CAMK1G: variants seen among roughly 807,000 people sequenced by gnomAD.
CAMK1G encodes the protein calcium/calmodulin-dependent protein kinase type 1G.
CAMK1G carries 27 observed loss-of-function variants against 54.8 expected under a neutral mutation model. That is an observed-to-expected ratio of 0.49 (90% CI 0.36 to 0.68). CAMK1G has a LOEUF of 0.68. Ranked by LOEUF, CAMK1G falls within the 30% of genes least tolerant of loss-of-function variation. CAMK1G has a pLI of 0.00. For missense variants in CAMK1G, 512 were observed against 591.0 expected (o/e 0.87, Z 1.39); for synonymous variants, 238 against 224.9 (o/e 1.06, Z -0.52).
intron 1 of CAMK1G, among the ~76,000 whole-genome samples, chr1:209,588,548 T>C (rs749231421): frequency 7.9e-5 from 12 of 152,184 alleles, no homozygotes; most frequent in Non-Finnish European, 1.8e-4. Context: ...CCTAAATGGC[T>C]GCAACTCAAA....
At chr1:209,601,138 C>T (rs1665516471) in intron 3 of CAMK1G, among the ~76,000 whole-genome samples, 1 of 152,168 alleles carries the variant, frequency 6.6e-6, no homozygotes, top group South Asian at 2.1e-4. Flanking sequence ...AGCTATCCCT[C>T]TCAGGCACAG....
intron 3 of CAMK1G, among the ~76,000 whole-genome samples, 170 bp from the exon 4 acceptor site, chr1:209,603,044 C>T (rs1665567473): frequency 6.6e-6 from 1 of 152,216 alleles, no homozygotes; most frequent in Non-Finnish European, 1.5e-5. Context: ...GGAATCTTTT[C>T]TCTGGGATTA....
At chr1:209,610,187 GC>G (rs1665748672) in intron 9 of CAMK1G, among the ~76,000 whole-genome samples, 1 of 152,154 alleles carries the variant, frequency 6.6e-6, no homozygotes, top group African/African-American at 2.4e-5. Flanking sequence ...CTGTCATTCA[GC>G]ACTGGGATAG....
In CAMK1G at chr1:209,587,436, C is replaced by T. The variant is rs187252995; in HGVS notation, c.-30+3664C>T. ...CAGAAGGAAAGAATTTCACTATCTA[C>T]GAAATTTGGGAAATGCCAGATTAAA... On this transcript the variant is annotated intron_variant, in intron 1 of 12. Transcript: ENST00000361322. Among the ~76,000 whole-genome samples, 528 of 152,204 alleles carry T rather than the reference C, an allele frequency of 3.5e-3. 4 individuals are homozygous for T. Among genetic ancestry groups the T allele is most frequent in the Middle Eastern group, 6.8e-3 (2 of 294 alleles).
intron 1 of CAMK1G, 168 bp downstream of exon 1, chr1:209,583,940 A>T (rs1315606360): frequency 6.6e-6 from 1 of 152,210 alleles, no homozygotes; most frequent in East Asian, 1.9e-4. Context: ...AGGGTGAGTT[A>T]TAGCTGTCTT....
chr1:209,594,575 A>G (rs1665333945), intron 1 of CAMK1G, among the ~76,000 whole-genome samples: 2 of 152,234 alleles, frequency 1.3e-5, no homozygotes, highest in South Asian at 4.1e-4. Flanking sequence ...GTGACATTAG[A>G]GAGGAAGCCT....
intron 1 of CAMK1G, among the ~76,000 whole-genome samples, chr1:209,587,604 A>G (rs963704666): frequency 5.9e-5 from 9 of 152,066 alleles, no homozygotes; most frequent in African/African-American, 2.2e-4. Flanking sequence ...AGCAAACTTC[A>G]GGGAACTTTA....
intron 1 of CAMK1G, among the ~76,000 whole-genome samples, chr1:209,592,344 C>CAAAAAAAAA (rs56012133): frequency 1.4e-5 from 1 of 70,214 alleles, no homozygotes; most frequent in African/African-American, 4.7e-5. Flanking sequence ...GACTCTGTCT[C>CAAAAAAAAA]AAAAAAAAAA....
In CAMK1G at chr1:209,613,091, G is replaced by A. The variant is rs1665824171; in HGVS notation, c.*89G>A. 1 of 502,938 alleles carries A rather than the reference G, an allele frequency of 2.0e-6. No individual in the cohort carries two copies. The highest frequency in any genetic ancestry group is 3.6e-6 in the Non-Finnish European group (1 of 274,520). The allele number at this position is 502,938 out of a possible 1,614,324, so 31.2% of individuals were successfully genotyped here. A position where few individuals can be genotyped will look rare whatever the true frequency, so the allele number is the denominator to read the frequency against. The stretch of plus-strand genomic sequence containing the variant: ...CCAAACCTGGTGTCTATCCGGCAGA[G>A]GGAGGAAGGCAGAGCAAGTGGAGCA... On this transcript the variant is annotated 3_prime_UTR_variant, in exon 13 of 13. Coordinates refer to ENST00000361322, the MANE Select transcript of CAMK1G (RefSeq NM_020439.3).
rs764833638 is a variant in CAMK1G, at chr1:209,600,074, G to C, written c.184G>C (p.Asp62His). Residue 62 changes from aspartate to histidine, a missense_variant, in exon 3 of 13, where the codon GAC (aspartate) becomes CAC (histidine). Physicochemically the swap from Asp to His is moderately conservative, Grantham distance 81. Around this residue, in one of 3 missense-constraint regions of CAMK1G, gnomAD observed 186 missense variants for 231.5 expected, o/e 0.80. Transcript: ENST00000361322. Reference sequence around the variant, plus strand: ...CATCAAGAAGTCACCTGCCTTCCGGGACAGCAGCCTGGAGAATGAGATTGC... The same window carrying C: ...CATCAAGAAGTCACCTGCCTTCCGGCACAGCAGCCTGGAGAATGAGATTGC... The part of the protein sequence containing the change: ...KCIKKSPAFR[D>H]SSLENEIAVL... 1 of 1,613,978 alleles carries C rather than the reference G, an allele frequency of 6.2e-7. No individual in the cohort carries two copies. Among genetic ancestry groups the C allele is most frequent in the Non-Finnish European group, 8.5e-7 (1 of 1,179,884 alleles).
At chr1:209,609,769 G>C (rs1245351401) in intron 8 of CAMK1G, 82 bp from the exon 9 acceptor site, 4 of 1,372,874 alleles carry the variant, frequency 2.9e-6, no homozygotes, top group Non-Finnish European at 4.2e-6. Flanking sequence ...TGCATTCACT[G>C]CCACCCACCA....
intron 1 of CAMK1G, among the ~76,000 whole-genome samples, chr1:209,591,302 A>G (rs1176536951): frequency 1.3e-5 from 2 of 152,152 alleles, no homozygotes; most frequent in African/African-American, 4.8e-5. Flanking sequence ...ACCCAAACAC[A>G]AGCTACCAGA....
intron 2 of CAMK1G, among the ~76,000 whole-genome samples, chr1:209,596,664 CACACA>C (rs1665396308): frequency 6.3e-5 from 1 of 15,972 alleles, no homozygotes; most frequent in Non-Finnish European, 1.4e-4. Flanking sequence ...ACACACACCA[CACACA>C]CACACACACA....
intron 1 of CAMK1G, among the ~76,000 whole-genome samples, chr1:209,590,412 C>T (rs1665216235): frequency 6.6e-6 from 1 of 152,146 alleles, no homozygotes; most frequent in African/African-American, 2.4e-5. Flanking sequence ...TTTGAGTTTT[C>T]CACATTGCAC....
intron 6 of CAMK1G, among the ~76,000 whole-genome samples, 158 bp downstream of exon 6, chr1:209,606,601 C>T (rs1665655837): frequency 1.3e-5 from 2 of 152,172 alleles, no homozygotes; most frequent in South Asian, 2.1e-4. Flanking sequence ...CCAATTCATC[C>T]GTCTCAGGAT....
rs536138084 is a variant in CAMK1G, at chr1:209,599,905, C to G, written c.93-78C>G. 3.9e-6 allele frequency: 6 copies of G among 1,557,048 alleles called. No homozygotes were observed. In the East Asian group the frequency reaches 1.4e-4, roughly 35 times the overall value. On this transcript the variant is annotated intron_variant, in intron 2 of 12. Coordinates refer to ENST00000361322, the MANE Select transcript of CAMK1G (RefSeq NM_020439.3). ...GAGGACTATATAGACTCTGTTACGT[C>G]CTTTCTGAGGTCTTACATCTGGAAG...
intron 1 of CAMK1G, among the ~76,000 whole-genome samples, chr1:209,585,032 T>C (rs1233323065): frequency 6.6e-6 from 1 of 152,114 alleles, no homozygotes; most frequent in Non-Finnish European, 1.5e-5. Context: ...AGTTAAAGGG[T>C]TTGCCTGGGG....
At chr1:209,612,268 G>C (rs762862334) in intron 11 of CAMK1G, 52 bp downstream of exon 11, 3 of 1,583,320 alleles carry the variant, frequency 1.9e-6, no homozygotes, top group Non-Finnish European at 1.7e-6. Context: ...GAAAGAAATC[G>C]GTCAACAGGA....
intron 5 of CAMK1G, among the ~76,000 whole-genome samples, chr1:209,606,043 A>T (rs2076224): frequency 0.29 from 43,878 of 152,060 alleles, 6,763 homozygotes; most frequent in East Asian, 0.53. Context: ...TGGTTCTCTC[A>T]AAACACAAAC....
Sources: gnomAD v4.1 joint callset for allele counts (sites outside exome capture counted in the v4.1 genomes callset) on GRCh38, gnomAD v4.1.1 for gene constraint, gnomAD v4.1.1 regional missense constraint, MANE v1.5 for transcripts, NCBI Gene and HGNC (gene_info 2026-07-23, HGNC 2026-07-21) for gene names.